Variants in MN1 observed in about 807,000 individuals in gnomAD.
MN1 encodes MN1 proto-oncogene, transcriptional regulator, also known as transcriptional activator MN1.
A neutral mutation model predicts 86.9 loss-of-function variants in MN1; 19 were observed. The ratio of observed to expected loss-of-function variants is 0.22; its 90% CI spans 0.15 to 0.32. MN1 has a LOEUF of 0.32. Ranked by LOEUF, MN1 falls within the 10% of genes least tolerant of loss-of-function variation. MN1 has a pLI of 1.00. For synonymous variants in MN1, 928 were observed against 849.6 expected, an observed-to-expected ratio of 1.09 and a Z score of -1.60; for missense variants, 1,841 against 1,862.0, an observed-to-expected ratio of 0.99 and a Z score of 0.21.
rs58248602 is a variant in MN1 at position 27,769,552 on chromosome 22, A to ATTTTTTT, written c.3782-18463_3782-18457dup. Among the ~76,000 whole-genome samples the ATTTTTTT allele has an allele frequency of 2.0e-4, 17 of 83,282 alleles. 8 individuals carry two copies. Among genetic ancestry groups the ATTTTTTT allele is most frequent in the Non-Finnish European group, 2.8e-4 (13 of 47,024 alleles). 54.6% of individuals were successfully genotyped at this position (83,282 alleles called of 152,430 possible). A position where few individuals can be genotyped will look rare whatever the true frequency, so the allele number is the denominator to read the frequency against. On this transcript the variant is annotated intron_variant, in intron 1 of 1. Transcript: ENST00000302326. ...CGAAGCAATAATATCAAGGATGCCA[A>ATTTTTTT]TTTTTTTTTTTTTTTTTTGAGACAG...
At chr22:27,784,842 CTTTT>C (rs1273026949) in intron 1 of MN1, among the ~76,000 whole-genome samples, 2 of 151,110 alleles carry the variant, frequency 1.3e-5, no homozygotes, top group Non-Finnish European at 2.9e-5. Flanking sequence ...GCCGGCATTC[CTTTT>C]TTTAAGGAAG....
chr22:27,792,668 G>C (rs924043423), intron 1 of MN1, among the ~76,000 whole-genome samples: 1 of 152,056 alleles, frequency 6.6e-6, no homozygotes, highest in South Asian at 2.1e-4. Flanking sequence ...GCTGCACAAA[G>C]GGGGCCCTAT....
chr22:27,797,053 C>G lies in MN1; in HGVS notation c.3491G>C (p.Arg1164Thr). 6.2e-7 allele frequency: 1 copy of G among 1,612,576 alleles called. No homozygotes were observed. The highest frequency in any genetic ancestry group is 8.5e-7 in the Non-Finnish European group (1 of 1,179,778). The part of the protein sequence containing the change: ...EILQAQIQLQ[R>T]QQFSISEDQP... ...GTCCTCGGAGATGCTGAACTGCTGC[C>G]TCTGTAGCTGGATCTGCGCCTGAAG... is the stretch of plus-strand genomic sequence containing the variant. The change falls in exon 1 of 2, where the codon AGG becomes ACG. Residue 1164 changes from arginine (R) to threonine (T), a missense_variant. By Grantham distance (71) the Arg-to-Thr change is moderately conservative. Transcript: ENST00000302326.
intron 1 of MN1, among the ~76,000 whole-genome samples, chr22:27,782,032 A>G (rs1333258217): frequency 6.6e-6 from 1 of 152,132 alleles, no homozygotes; most frequent in African/African-American, 2.4e-5. Context: ...GGACCAGCTC[A>G]TCTCATGGAT....
Position 27,750,889 on chromosome 22 carries a change from G to A in MN1, c.*26C>T. On this transcript the variant is annotated 3_prime_UTR_variant, in exon 2 of 2. Coordinates refer to ENST00000302326, the MANE Select transcript of MN1 (RefSeq NM_002430.3). ...CAGACAGGGGGAGAGGAAGGGCCTG[G>A]TAGAGGAGGGGATCTTTCTTGTCAT... The A allele has an allele frequency of 6.4e-7, 1 of 1,554,064 alleles. No homozygotes were observed. Among genetic ancestry groups the A allele is most frequent in the Non-Finnish European group, 8.8e-7 (1 of 1,142,760 alleles).
intron 1 of MN1, among the ~76,000 whole-genome samples, chr22:27,786,430 AAC>A (rs3831690): frequency 7.9e-4 from 117 of 148,322 alleles, no homozygotes; most frequent in Non-Finnish European, 1.1e-3. Context: ...TTAAAAGTTA[AAC>A]ACACACACAC....
In MN1 at chr22:27,799,375, C is replaced by A; in HGVS notation, c.1169G>T (p.Ser390Ile). 6.5e-7 allele frequency: 1 copy of A among 1,546,166 alleles called. No individual in the cohort carries two copies. Among genetic ancestry groups the A allele is most frequent in the Non-Finnish European group, 8.7e-7 (1 of 1,148,850 alleles). The change falls in exon 1 of 2, where the codon AGC becomes ATC. Residue 390 changes from serine to isoleucine, a missense_variant. Transcript: ENST00000302326. ...RPQQGEAGTP[S>I]GGLQDGGPML... ...GGGGCCTCCGTCCTGCAGGCCGCCGCTGGGCGTGCCCGCCTCGCCCTGCTG... is the reference window on the plus strand; with the variant it reads ...GGGGCCTCCGTCCTGCAGGCCGCCGATGGGCGTGCCCGCCTCGCCCTGCTG...
intron 1 of MN1, among the ~76,000 whole-genome samples, chr22:27,771,004 G>T (rs1416547481): frequency 6.6e-6 from 1 of 151,940 alleles, no homozygotes; most frequent in Non-Finnish European, 1.5e-5. Flanking sequence ...GGTATTTCGA[G>T]TCCAGAAAAT....
In MN1 at chr22:27,800,965, G is replaced by A. The variant is rs1933426685; in HGVS notation, c.-422C>T. The A allele has an allele frequency of 3.0e-6, 1 of 329,338 alleles. No homozygotes were observed. The highest frequency in any genetic ancestry group is 2.1e-5 in the African/African-American group (1 of 46,696). 20.4% of individuals were successfully genotyped at this position (329,338 alleles called of 1,614,324 possible). On this transcript the variant is annotated 5_prime_UTR_variant, in exon 1 of 2. Transcript: ENST00000302326. ...CTCAAGTCCGATTGGGTCTGCTGGG[G>A]AGCCCTCAGGACGCCGCCCGCAGCC...
chr22:27,778,193 G>T (rs548356250), intron 1 of MN1, among the ~76,000 whole-genome samples: 10 of 152,320 alleles, frequency 6.6e-5, no homozygotes, highest in African/African-American at 2.2e-4. Context: ...GGGAATCTAA[G>T]AAGTGGGTAT....
Position 27,800,123 on chromosome 22 carries a change from C to T in MN1, c.421G>A (p.Gly141Arg), listed in dbSNP as rs1312718024. Residue 141 changes from glycine to arginine, a missense_variant, in exon 1 of 2, where the codon GGA becomes AGA. Physicochemically the swap from Gly to Arg is moderately radical, Grantham distance 125 (BLOSUM62 -2). Transcript: ENST00000302326. The stretch of plus-strand genomic sequence containing the variant: ...AAGGGCGGCTGGCTGCCCAGGCCTC[C>T]GGCTGCGCCGCCGTAGCCGAGCAGG... ...GRLLGYGGAA[G>R]GLGSQPPFAE... The T allele has an allele frequency of 1.3e-6, 2 of 1,567,428 alleles. No individual in the cohort carries two copies. The highest frequency in any genetic ancestry group is 1.8e-5 in the Admixed American group (1 of 54,302).
chr22:27,784,864 T>G (rs1369385214), intron 1 of MN1, among the ~76,000 whole-genome samples: 2 of 151,324 alleles, frequency 1.3e-5, no homozygotes, highest in Non-Finnish European at 2.9e-5. Flanking sequence ...AAGAAATAAA[T>G]ACTGCTGGGT....
intron 1 of MN1, among the ~76,000 whole-genome samples, chr22:27,779,467 G>A (rs754591629): frequency 1.3e-5 from 2 of 152,196 alleles, no homozygotes; most frequent in Non-Finnish European, 2.9e-5. Context: ...ACGGCCATGA[G>A]GAGGCAAGAC....
chr22:27,795,022 G>A (rs1219031899), intron 1 of MN1, among the ~76,000 whole-genome samples: 1 of 145,568 alleles, frequency 6.9e-6, no homozygotes, highest in Non-Finnish European at 1.5e-5. Flanking sequence ...TAAAGGGGTG[G>A]GGGGAGCAAG....
rs772547139 is a variant in MN1, at chr22:27,797,010, C to A, written c.3534G>T (p.Lys1178Asn). The change falls in exon 1 of 2, where the codon AAG becomes AAT. Residue 1178 changes from lysine to asparagine, a missense_variant. By Grantham distance (94) the Lys-to-Asn change is moderately conservative (BLOSUM62 0). Transcript: ENST00000302326. The stretch of plus-strand genomic sequence containing the variant: ...CGGCGCACTCACCCTTCTTGCCACC[C>A]TTCAGCCCCAGAGGCTGGTCCTCGG... ...SISEDQPLGL[K>N]GGKKGECAVG... The A allele has an allele frequency of 6.2e-7, 1 of 1,612,604 alleles. No individual in the cohort carries two copies. Among genetic ancestry groups the A allele is most frequent in the Non-Finnish European group, 8.5e-7 (1 of 1,179,774 alleles).
chr22:27,800,053 C>T lies in MN1; in HGVS notation c.491G>A (p.Ser164Asn). The change falls in exon 1 of 2, where the codon AGC becomes AAC. Residue 164 changes from serine to asparagine, a missense_variant. Physicochemically the swap from Ser to Asn is conservative, Grantham distance 46. Coordinates refer to ENST00000302326, the MANE Select transcript of MN1 (RefSeq NM_002430.3). ...GTTCCCCGGTCGCTGCGGGCCGAAGCTCTCAGGCCCCTGGCTCTCCGCCAT... is the reference window on the plus strand; with the variant it reads ...GTTCCCCGGTCGCTGCGGGCCGAAGTTCTCAGGCCCCTGGCTCTCCGCCAT... ...EHMAESQGPE[S>N]FGPQRPGNLP... 1.2e-6 allele frequency: 2 copies of T among 1,601,288 alleles called. No homozygotes were observed. Among genetic ancestry groups the T allele is most frequent in the Non-Finnish European group, 1.7e-6 (2 of 1,179,090 alleles).
chr22:27,777,220 G>GGA (rs1405886087), intron 1 of MN1, among the ~76,000 whole-genome samples: 3 of 152,178 alleles, frequency 2.0e-5, no homozygotes, highest in Admixed American at 6.5e-5. Context: ...GCGTGGATTT[G>GGA]GAGAGAGACG....
At chr22:27,767,020 C>T (rs1323151885) in intron 1 of MN1, among the ~76,000 whole-genome samples, 1 of 152,178 alleles carries the variant, frequency 6.6e-6, no homozygotes, top group African/African-American at 2.4e-5. Context: ...CATACTGTGA[C>T]ACCTCACACC....
Position 27,797,316 on chromosome 22 carries a change from G to A in MN1, c.3228C>T (p.Pro1076=), listed in dbSNP as rs779616757. Residue 1076 remains proline, a synonymous_variant, in exon 1 of 2, where the codon CCC becomes CCT. Coordinates refer to ENST00000302326, the MANE Select transcript of MN1 (RefSeq NM_002430.3). ...PQALVKASRS[P]LVTGSPKLPP... The stretch of plus-strand genomic sequence containing the variant: ...GGAGTTTGGGCGAGCCGGTCACCAG[G>A]GGACTCCTGCTCGCTTTAACTAGTG... 5.6e-6 allele frequency: 9 copies of A among 1,602,358 alleles called. No homozygotes were observed. The highest frequency in any genetic ancestry group is 3.3e-5 in the Admixed American group (2 of 59,956).
Sources: gnomAD v4.1 joint callset for allele counts (sites outside exome capture counted in the v4.1 genomes callset) on GRCh38, gnomAD v4.1.1 for gene constraint, MANE v1.5 for transcripts, NCBI Gene and HGNC (gene_info 2026-07-23, HGNC 2026-07-21) for gene names.